The following ABCE1 variants were observed in gnomAD, a reference collection of about 807,000 sequenced individuals.
The protein encoded by ABCE1 is ATP-binding cassette sub-family E member 1.
A neutral mutation model predicts 83.4 loss-of-function variants in ABCE1; 22 were observed. The observed-to-expected ratio is 0.26, with a 90% CI of 0.19 to 0.38. The LOEUF is 0.38. Ranked by LOEUF, ABCE1 falls within the 10% of genes least tolerant of loss-of-function variation. The pLI is 1.00. For synonymous variants in ABCE1, 204 were observed against 233.7 expected (o/e 0.87, Z 1.16); for missense variants, 330 against 721.9 (o/e 0.46, Z 6.22).
At chr4:145,105,101 T>G (rs1749261282) in intron 2 of ABCE1, among the ~76,000 whole-genome samples, 1 of 152,088 alleles carries the variant, frequency 6.6e-6, no homozygotes. Context: ...TTGTCATCTG[T>G]TATTGTCTCC....
chr4:145,125,067 A>C lies in ABCE1; in HGVS notation c.1718A>C (p.Tyr573Ser), dbSNP rs780954660. ...EITFRRDPNNYRPRINKLNSI... is the reference protein window; with the variant it reads ...EITFRRDPNNSRPRINKLNSI... ...ACATTCAGAAGAGATCCAAACAACT[A>C]TAGGCCACGAATAAACAAACTTAAT... Residue 573 changes from tyrosine (Y) to serine (S), a missense_variant, in exon 17 of 18, where the codon TAT becomes TCT. Tyr to Ser is a moderately radical substitution (Grantham distance 144, BLOSUM62 -2). Coordinates refer to ENST00000296577, the MANE Select transcript of ABCE1 (RefSeq NM_002940.3). 4.3e-6 allele frequency: 7 copies of C among 1,612,174 alleles called. No individual in the cohort carries two copies. The highest frequency in any genetic ancestry group is 5.1e-6 in the Non-Finnish European group (6 of 1,178,496).
At chr4:145,121,471 A>G (rs1325813842) in intron 13 of ABCE1, 80 bp downstream of exon 13, 31 of 1,070,516 alleles carry the variant, frequency 2.9e-5, no homozygotes, top group Non-Finnish European at 4.3e-5. Flanking sequence ...CTATATTAAA[A>G]TTTTTCTCCA....
intron 14 of ABCE1, 27 bp from the exon 15 acceptor site, chr4:145,123,188 C>T: frequency 6.3e-7 from 1 of 1,595,676 alleles, no homozygotes; most frequent in Non-Finnish European, 8.5e-7. Flanking sequence ...GATGCCTTTA[C>T]ATGGTTTGCT....
chr4:145,121,996 G>T (rs964604564), intron 13 of ABCE1: 1 of 152,220 alleles, frequency 6.6e-6, no homozygotes, highest in African/African-American at 2.4e-5. Flanking sequence ...CCACAAGATG[G>T]GAGAAACATT....
At chr4:145,114,910 T>C (rs1480721024) in intron 9 of ABCE1, among the ~76,000 whole-genome samples, 2 of 151,998 alleles carry the variant, frequency 1.3e-5, no homozygotes, top group South Asian at 2.1e-4. Flanking sequence ...TTCTGAAATT[T>C]GATGGGTCAA....
intron 10 of ABCE1, among the ~76,000 whole-genome samples, chr4:145,119,081 T>A (rs1749677004): frequency 6.6e-6 from 1 of 151,912 alleles, no homozygotes; most frequent in South Asian, 2.1e-4. Context: ...TTTGGCAAAA[T>A]AAATGTAATC....
At chr4:145,105,486 C>G in intron 2 of ABCE1, 119 bp from the exon 3 acceptor site, 1 of 646,194 alleles carries the variant, frequency 1.5e-6, no homozygotes, top group Non-Finnish European at 2.7e-6. Context: ...TTTGTGTGGC[C>G]TTTGTTTTTG....
chr4:145,121,549 T>C, intron 13 of ABCE1, 158 bp downstream of exon 13: 2 of 598,394 alleles, frequency 3.3e-6, no homozygotes, highest in South Asian at 4.3e-5. Flanking sequence ...CCTTGATTCA[T>C]ATCCACTGCT....
intron 3 of ABCE1, among the ~76,000 whole-genome samples, chr4:145,107,354 A>G (rs986614915): frequency 1.3e-5 from 2 of 152,152 alleles, no homozygotes; most frequent in African/African-American, 2.4e-5. Context: ...AACAGGAAGT[A>G]TACAAGGGCA....
At chr4:145,124,218 G>C (rs1297789877) in intron 16 of ABCE1, among the ~76,000 whole-genome samples, 1 of 152,126 alleles carries the variant, frequency 6.6e-6, no homozygotes. Flanking sequence ...CTGGTGTTCA[G>C]TTTTCACCTA....
Position 145,112,236 on chromosome 4 carries a change from TA to T in ABCE1, c.711-2del. 1.3e-5 allele frequency: 17 copies of T among 1,336,910 alleles called. No homozygotes were observed. The highest frequency in any genetic ancestry group is 4.7e-5 in the East Asian group (2 of 42,552). The allele number at this position is 1,336,910 out of a possible 1,614,324, so 82.8% of individuals were successfully genotyped here. On this transcript the variant is annotated splice_acceptor_variant, in intron 8 of 17. Transcript: ENST00000296577. LOFTEE classifies it high-confidence loss of function. ...ATTTGCTTTTTTTTTTTTTTTTTCA[TA>T]GTTTCATGTTTGATGAGCCTTCTAG...
chr4:145,116,813 T>C (rs963590508), intron 9 of ABCE1, among the ~76,000 whole-genome samples: 2 of 151,928 alleles, frequency 1.3e-5, no homozygotes, highest in African/African-American at 4.8e-5. Flanking sequence ...CATGTAATCT[T>C]TTTTTGTTAC....
chr4:145,116,114 TAGAAAA>T (rs558001939), intron 9 of ABCE1, among the ~76,000 whole-genome samples: 150 of 151,966 alleles, frequency 9.9e-4, no homozygotes, highest in Non-Finnish European at 1.3e-3. Flanking sequence ...GGAGACTACT[TAGAAAA>T]AGAATAGCTT....
intron 9 of ABCE1, among the ~76,000 whole-genome samples, chr4:145,116,669 G>C (rs1028079723): frequency 1.3e-5 from 2 of 151,850 alleles, no homozygotes; most frequent in East Asian, 3.9e-4. Flanking sequence ...AGCCAATACT[G>C]TATCACTTCA....
rs140648869 is a variant in ABCE1 at position 145,120,215 on chromosome 4, CTG to C, written c.1144+64_1144+65del. 7.5e-4 allele frequency: 1,081 copies of C among 1,440,732 alleles called. 12 individuals are homozygous for C. In the African/African-American group the frequency reaches 0.013, roughly 17 times the overall value. 89.2% of individuals were successfully genotyped at this position (1,440,732 alleles called of 1,614,324 possible). A position where few individuals can be genotyped will look rare whatever the true frequency, so the allele number is the denominator to read the frequency against. On this transcript the variant is annotated intron_variant, in intron 11 of 17. Coordinates refer to ENST00000296577, the MANE Select transcript of ABCE1 (RefSeq NM_002940.3). ...TGTTTATCTAGTAAATTAGTTTTAACTGTTTTGTGGAAAAATTTGAATCATAT... is the reference window on the plus strand; with the variant it reads ...TGTTTATCTAGTAAATTAGTTTTAACTTTTGTGGAAAAATTTGAATCATAT...
At chr4:145,110,612 A>G (rs1400884837) in intron 7 of ABCE1, among the ~76,000 whole-genome samples, 168 bp downstream of exon 7, 1 of 152,146 alleles carries the variant, frequency 6.6e-6, no homozygotes, top group African/African-American at 2.4e-5. Flanking sequence ...AGTAGCTGGG[A>G]TTACAGGCAT....
In ABCE1 at chr4:145,127,444, A is replaced by ACACT. The variant is rs1256712846; in HGVS notation, c.1753-82_1753-81insCACT. On this transcript the variant is annotated intron_variant, in intron 17 of 17. Transcript: ENST00000296577. ...ACAGGCACTGTTTTAAGCACAGCTA[A>ACACT]GTAATACCATGAGTGAAAGTCTACT... The ACACT allele has an allele frequency of 2.4e-6, 3 of 1,238,524 alleles. No homozygotes were observed. The African/African-American group carries it at 4.6e-5, about 19-fold the overall frequency. The allele number at this position is 1,238,524 out of a possible 1,614,324, so 76.7% of individuals were successfully genotyped here. A position where few individuals can be genotyped will look rare whatever the true frequency, so the allele number is the denominator to read the frequency against.
At chr4:145,115,895 TAA>T (rs1217830381) in intron 9 of ABCE1, among the ~76,000 whole-genome samples, 2 of 152,000 alleles carry the variant, frequency 1.3e-5, no homozygotes, top group African/African-American at 2.4e-5. Context: ...TAAAATGTAT[TAA>T]GAGTCTCCCT....
At chr4:145,119,295 T>G (rs1749680709) in intron 10 of ABCE1, among the ~76,000 whole-genome samples, 1 of 151,972 alleles carries the variant, frequency 6.6e-6, no homozygotes, top group South Asian at 2.1e-4. Context: ...TTCATTTCAG[T>G]GTGTCTGCCA....
Sources: gnomAD v4.1 joint callset for allele counts (sites outside exome capture counted in the v4.1 genomes callset) on GRCh38, gnomAD v4.1.1 for gene constraint, MANE v1.5 for transcripts, NCBI Gene and HGNC (gene_info 2026-07-23, HGNC 2026-07-21) for gene names.